MTIF3: variants seen among roughly 807,000 people sequenced by gnomAD.
MTIF3 encodes translation initiation factor IF-3, mitochondrial.
A neutral mutation model predicts 20.7 loss-of-function variants in MTIF3; 13 were observed. The ratio of observed to expected loss-of-function variants is 0.63; its 90% CI spans 0.41 to 1.00. The LOEUF (loss-of-function observed/expected upper bound fraction) is 1.00, where lower values mean the gene tolerates loss of function less well. MTIF3 is among the 50% of genes least tolerant of loss of function. The pLI is 0.00. For missense variants in MTIF3, 295 were observed against 324.5 expected, an observed-to-expected ratio of 0.91 and a Z score of 0.70; for synonymous variants, 114 against 112.5, an observed-to-expected ratio of 1.01 and a Z score of -0.08.
intron 1 of MTIF3, among the ~76,000 whole-genome samples, chr13:27,447,635 T>A (rs1008260926): frequency 7.2e-5 from 11 of 152,218 alleles, no homozygotes; most frequent in African/African-American, 2.7e-4. Flanking sequence ...AAAACTCCTA[T>A]CGACAGAACA....
chr13:27,435,944 C>G (rs368296042), intron 4 of MTIF3, 51 bp from the exon 5 acceptor site: 4 of 1,466,356 alleles, frequency 2.7e-6, no homozygotes, highest in Non-Finnish European at 3.8e-6. Flanking sequence ...GGCTTTGGTG[C>G]TTTCTAATGT....
chr13:27,445,397 GCC>G (rs1954149874), intron 1 of MTIF3, among the ~76,000 whole-genome samples: 1 of 151,830 alleles, frequency 6.6e-6, no homozygotes, highest in Non-Finnish European at 1.5e-5. Context: ...GTTCACTTGA[GCC>G]CAGGAGGTTG....
Position 27,440,173 on chromosome 13 carries a change from C to G in MTIF3, c.276G>C (p.Glu92Asp). 1 of 1,614,208 alleles carries G rather than the reference C, an allele frequency of 6.2e-7. No homozygotes were observed. The highest frequency in any genetic ancestry group is 8.5e-7 in the Non-Finnish European group (1 of 1,180,040). Residue 92 changes from glutamate to aspartate, a missense_variant, in exon 3 of 5, where the codon GAG becomes GAC. Glu to Asp is a conservative substitution (Grantham distance 45). Transcript: ENST00000381120. ...ISQRVIHLFD[E>D]KGNDLGNMHR... ...GCATGTTTCCCAAATCATTGCCCTT[C>G]TCATCAAATAAGTGAATAACTCGCT...
At chr13:27,439,956 A>C in intron 3 of MTIF3, 33 bp downstream of exon 3, 5 of 1,585,356 alleles carry the variant, frequency 3.2e-6, no homozygotes, top group Non-Finnish European at 4.3e-6. Context: ...GTAGCTCTTA[A>C]AGGATTCAGG....
chr13:27,447,404 C>G (rs572186049), intron 1 of MTIF3, among the ~76,000 whole-genome samples: 1 of 152,036 alleles, frequency 6.6e-6, no homozygotes, highest in Admixed American at 6.6e-5. Context: ...GAGACTAACT[C>G]AAAATAGAAA....
intron 3 of MTIF3, among the ~76,000 whole-genome samples, chr13:27,439,702 A>G (rs1953924365): frequency 6.6e-6 from 1 of 152,148 alleles, no homozygotes; most frequent in Admixed American, 6.5e-5. Context: ...AGGACAGGGG[A>G]AAGAGTTCTC....
At chr13:27,436,791 A>G (rs12867531) in intron 4 of MTIF3, among the ~76,000 whole-genome samples, 21,709 of 122,830 alleles carry the variant, frequency 0.18, 1,870 homozygotes, top group Non-Finnish European at 0.19. Context: ...TTGCTCTGTC[A>G]CCCAGGCTGG....
chr13:27,442,039 T>C (rs1218227288), intron 2 of MTIF3, among the ~76,000 whole-genome samples: 1 of 152,180 alleles, frequency 6.6e-6, no homozygotes, highest in African/African-American at 2.4e-5. Flanking sequence ...GGTGCCAGTC[T>C]CTTCTCTTGA....
intron 2 of MTIF3, among the ~76,000 whole-genome samples, chr13:27,440,663 T>C (rs1953976494): frequency 6.6e-6 from 1 of 152,086 alleles, no homozygotes; most frequent in Admixed American, 6.5e-5. Context: ...CTCATGGTGA[T>C]ACTGTCCCCA....
chr13:27,438,296 C>A (rs1953858965), intron 3 of MTIF3, among the ~76,000 whole-genome samples: 1 of 106,506 alleles, frequency 9.4e-6, no homozygotes, highest in Non-Finnish European at 1.7e-5. Context: ...AAGACCTGAG[C>A]AACATAGCGA....
chr13:27,439,026 T>C (rs942646412), intron 3 of MTIF3, among the ~76,000 whole-genome samples: 2 of 152,206 alleles, frequency 1.3e-5, no homozygotes, highest in African/African-American at 4.8e-5. Context: ...ATTGGCACTT[T>C]TTAGGAACTA....
intron 1 of MTIF3, among the ~76,000 whole-genome samples, chr13:27,448,997 T>G (rs1007028536): frequency 0.011 from 1 of 92 alleles, no homozygotes; most frequent in African/African-American, 0.045. Flanking sequence ...GCTGAGATCG[T>G]GCACCGCACT....
intron 2 of MTIF3, among the ~76,000 whole-genome samples, chr13:27,443,339 A>G (rs1349446513): frequency 6.6e-6 from 1 of 152,250 alleles, no homozygotes; most frequent in Non-Finnish European, 1.5e-5. Context: ...AAAAAGAAGA[A>G]AAATCTGAAA....
chr13:27,450,057 G>A (rs923160664), intron 1 of MTIF3: 4 of 152,290 alleles, frequency 2.6e-5, no homozygotes, highest in African/African-American at 9.6e-5. Flanking sequence ...GGCTCGCTCT[G>A]CCCCACCTGT....
At chr13:27,437,430 A>C (rs1953823828) in intron 3 of MTIF3, among the ~76,000 whole-genome samples, 157 bp from the exon 4 acceptor site, 1 of 152,220 alleles carries the variant, frequency 6.6e-6, no homozygotes, top group South Asian at 2.1e-4. Flanking sequence ...TCAAATGGGG[A>C]AGATACACAT....
intron 1 of MTIF3, among the ~76,000 whole-genome samples, chr13:27,448,499 G>C (rs1041028295): frequency 6.6e-6 from 1 of 152,142 alleles, no homozygotes; most frequent in African/African-American, 2.4e-5. Flanking sequence ...CTGCGCTACC[G>C]TTACTGGGCC....
In MTIF3 at chr13:27,437,103, C is replaced by G; in HGVS notation, c.618+13G>C. The G allele has an allele frequency of 6.2e-7, 1 of 1,612,426 alleles. No individual in the cohort carries two copies. The highest frequency in any genetic ancestry group is 8.5e-7 in the Non-Finnish European group (1 of 1,179,256). ...CCAAAGCACAAGCAGTGGCTTGTAC[C>G]TTCTTTACTTACCATTTCATTTTCT... On this transcript the variant is annotated intron_variant, in intron 4 of 4. Transcript: ENST00000381120.
intron 1 of MTIF3, among the ~76,000 whole-genome samples, chr13:27,448,930 ACTTG>A (rs1954264378): frequency 1.3e-5 from 2 of 152,152 alleles, no homozygotes; most frequent in African/African-American, 4.8e-5. Context: ...ATTCCCAGCT[ACTTG>A]GGAGGCTGAG....
At chr13:27,438,405 G>C (rs774188715) in intron 3 of MTIF3, among the ~76,000 whole-genome samples, 122 of 149,794 alleles carry the variant, frequency 8.1e-4, no homozygotes, top group Non-Finnish European at 1.2e-3. Flanking sequence ...TGGGAGGATT[G>C]CTGGATCCCA....
Sources: allele counts gnomAD v4.1 joint callset (sites outside exome capture counted in the v4.1 genomes callset), GRCh38; gene constraint gnomAD v4.1.1; transcripts MANE v1.5; gene names NCBI Gene and HGNC (gene_info 2026-07-23, HGNC 2026-07-21).